SNX9: variants seen among roughly 807,000 people sequenced by gnomAD.
SNX9 encodes the protein sorting nexin-9.
SNX9 carries 44 observed loss-of-function variants against 89.4 expected under a neutral mutation model. That is an observed-to-expected ratio of 0.49 (90% CI 0.39 to 0.63). SNX9 has a LOEUF of 0.63. SNX9 is among the 30% of genes least tolerant of loss of function. The pLI is 0.00. For missense variants in SNX9, 578 were observed against 736.1 expected, an observed-to-expected ratio of 0.79 and a Z score of 2.49; for synonymous variants, 236 against 247.8, an observed-to-expected ratio of 0.95 and a Z score of 0.45.
chr6:157,899,931 C>CTGTGGG (rs981217351), intron 5 of SNX9, among the ~76,000 whole-genome samples: 6 of 151,898 alleles, frequency 4.0e-5, no homozygotes, highest in Non-Finnish European at 7.4e-5. Context: ...AAGTGCGTGC[C>CTGTGGG]TGTGGGTGTG....
intron 1 of SNX9, among the ~76,000 whole-genome samples, chr6:157,828,048 G>A (rs1166967249): frequency 6.6e-6 from 1 of 152,068 alleles, no homozygotes; most frequent in African/African-American, 2.4e-5. Flanking sequence ...ATACTTTGTA[G>A]CCCCTCCAGA....
rs146470654 is a variant in SNX9, at chr6:157,920,203, G to C, written c.950-1328G>C. ...AGACCCTTTTGTGTCTCCTTTACTT[G>C]TATGTACAGCCTCAGAGTTGACCAG... On this transcript the variant is annotated intron_variant, in intron 9 of 17. Coordinates refer to ENST00000392185, the MANE Select transcript of SNX9 (RefSeq NM_016224.5). 3.0e-3 allele frequency among the ~76,000 whole-genome samples: 450 copies of C among 152,238 alleles called. 1 individual carries two copies. Among genetic ancestry groups the C allele is most frequent in the Non-Finnish European group, 4.7e-3 (318 of 68,020 alleles).
chr6:157,833,050 G>A (rs952705624), intron 1 of SNX9, among the ~76,000 whole-genome samples: 1 of 152,138 alleles, frequency 6.6e-6, no homozygotes, highest in Non-Finnish European at 1.5e-5. Context: ...TAAAGATTTG[G>A]ATCCTCCCTA....
At chr6:157,918,570 A>C (rs1478680309) in intron 9 of SNX9, among the ~76,000 whole-genome samples, 1 of 152,010 alleles carries the variant, frequency 6.6e-6, no homozygotes, top group African/African-American at 2.4e-5. Flanking sequence ...TCTGCTTTTG[A>C]TTGGGGTTTT....
chr6:157,927,688 A>T (rs933569199), intron 11 of SNX9, among the ~76,000 whole-genome samples: 2 of 151,436 alleles, frequency 1.3e-5, no homozygotes, highest in African/African-American at 4.9e-5. Flanking sequence ...TACGGACTTA[A>T]AAGAAATTTG....
intron 13 of SNX9, among the ~76,000 whole-genome samples, chr6:157,934,495 A>G (rs1192079347): frequency 1.3e-5 from 2 of 152,190 alleles, no homozygotes; most frequent in African/African-American, 4.8e-5. Flanking sequence ...ACACAGAGGA[A>G]TTGTTTCAAA....
At chr6:157,879,106 G>A (rs1319016826) in intron 4 of SNX9, among the ~76,000 whole-genome samples, 1 of 152,192 alleles carries the variant, frequency 6.6e-6, no homozygotes, top group Non-Finnish European at 1.5e-5. Flanking sequence ...GGCTGGTTCG[G>A]TAATGTATAT....
At chr6:157,857,651 G>GT (rs11293286) in intron 1 of SNX9, among the ~76,000 whole-genome samples, 2,308 of 123,898 alleles carry the variant, frequency 0.019, 27 homozygotes, top group Middle Eastern at 0.041. Flanking sequence ...GTTTTTCCTT[G>GT]TTTTTTTTTT....
chr6:157,865,336 T>C (rs1782237040), intron 1 of SNX9, among the ~76,000 whole-genome samples: 1 of 118,482 alleles, frequency 8.4e-6, no homozygotes, highest in Non-Finnish European at 1.7e-5. Flanking sequence ...CGAAACAGTC[T>C]CAGGAAAAAA....
At chr6:157,846,986 T>A (rs546762328) in intron 1 of SNX9, among the ~76,000 whole-genome samples, 1 of 152,200 alleles carries the variant, frequency 6.6e-6, no homozygotes, top group East Asian at 1.9e-4. Context: ...AGTGGAGAAG[T>A]GAGCCCAGGT....
intron 6 of SNX9, among the ~76,000 whole-genome samples, chr6:157,902,396 C>T (rs1046645761): frequency 6.6e-6 from 1 of 152,240 alleles, no homozygotes; most frequent in Non-Finnish European, 1.5e-5. Flanking sequence ...AAATGTTTTA[C>T]TGTTTTGTTA....
Position 157,882,138 on chromosome 6 carries a change from G to A in SNX9, c.300+6962G>A, listed in dbSNP as rs148849266. On this transcript the variant is annotated intron_variant, in intron 4 of 17. Coordinates refer to ENST00000392185, the MANE Select transcript of SNX9 (RefSeq NM_016224.5). ...TAACTTTATGTTGAAACCAGTGCTC[G>A]TTTACCATTCTGAAAATCCTAAGGG... Among the ~76,000 whole-genome samples, 136 of 152,292 alleles carry A rather than the reference G, an allele frequency of 8.9e-4. 1 individual carries two copies. The East Asian group carries it at 0.017, about 19-fold the overall frequency.
Position 157,927,360 on chromosome 6 carries a change from G to A in SNX9, c.1184+146G>A, listed in dbSNP as rs183472160. The A allele has an allele frequency of 8.8e-3, 5,366 of 610,086 alleles. 42 individuals carry two copies. The highest frequency in any genetic ancestry group is 0.012 in the Non-Finnish European group (4,002 of 342,626). The allele number at this position is 610,086 out of a possible 1,614,324, so 37.8% of individuals were successfully genotyped here. A position where few individuals can be genotyped will look rare whatever the true frequency, so the allele number is the denominator to read the frequency against. Reference sequence around the variant, plus strand: ...TGGGATTTGTAGTCCAATGACAAGGGAAACATCATTTGTACATAGAAGTAC... The same window carrying A: ...TGGGATTTGTAGTCCAATGACAAGGAAAACATCATTTGTACATAGAAGTAC... On this transcript the variant is annotated intron_variant, in intron 11 of 17. Transcript: ENST00000392185.
rs1554296799 is a variant in SNX9, at chr6:157,915,640, A to AT, written c.949+5615_949+5616insT. ...ATCTCTACTAAAAAAAAAAAAAAAA[A>AT]ATATATATATATATATACACACACA... On this transcript the variant is annotated intron_variant, in intron 9 of 17. Coordinates refer to ENST00000392185, the MANE Select transcript of SNX9 (RefSeq NM_016224.5). 5.6e-3 allele frequency among the ~76,000 whole-genome samples: 534 copies of AT among 95,126 alleles called. 10 individuals are homozygous for AT. Among genetic ancestry groups the AT allele is most frequent in the East Asian group, 0.026 (111 of 4,250 alleles). The allele number at this position is 95,126 out of a possible 152,430, so 62.4% of individuals were successfully genotyped here.
intron 13 of SNX9, among the ~76,000 whole-genome samples, chr6:157,933,831 C>G (rs1291502868): frequency 6.6e-6 from 1 of 152,224 alleles, no homozygotes; most frequent in African/African-American, 2.4e-5. Context: ...CTTCGTGATT[C>G]TTTAACATTT....
At chr6:157,928,337 T>C (rs1562621514) in intron 11 of SNX9, among the ~76,000 whole-genome samples, 1 of 152,254 alleles carries the variant, frequency 6.6e-6, no homozygotes, top group Non-Finnish European at 1.5e-5. Flanking sequence ...TTCAAGAAAT[T>C]ATTATTTTAT....
intron 4 of SNX9, among the ~76,000 whole-genome samples, chr6:157,888,981 A>G (rs1020912959): frequency 6.6e-6 from 1 of 152,094 alleles, no homozygotes; most frequent in Non-Finnish European, 1.5e-5. Context: ...GAATGAAGAC[A>G]TTGTCCTGTA....
chr6:157,880,735 TG>T (rs1782606923), intron 4 of SNX9, among the ~76,000 whole-genome samples: 1 of 152,248 alleles, frequency 6.6e-6, no homozygotes, highest in African/African-American at 2.4e-5. Context: ...ACAGATTTCC[TG>T]TCTTTTCTCT....
chr6:157,906,895 A>G (rs1199459431), intron 7 of SNX9, among the ~76,000 whole-genome samples: 2 of 152,232 alleles, frequency 1.3e-5, no homozygotes, highest in Non-Finnish European at 2.9e-5. Flanking sequence ...CCCTGTAACA[A>G]TTAGATTGGG....
Sources: allele counts gnomAD v4.1 joint callset (sites outside exome capture counted in the v4.1 genomes callset), GRCh38; gene constraint gnomAD v4.1.1; transcripts MANE v1.5; gene names NCBI Gene and HGNC (gene_info 2026-07-23, HGNC 2026-07-21).